TRAF2: variants seen among roughly 807,000 people sequenced by gnomAD.
TRAF2 encodes the protein TNF receptor-associated factor 2.
A neutral mutation model predicts 55.6 loss-of-function variants in TRAF2; 6 were observed. The ratio of observed to expected loss-of-function variants is 0.11; its 90% CI spans 0.06 to 0.21. TRAF2 has a LOEUF of 0.21. Among genes scored for constraint, TRAF2 ranks in the 10% least tolerant of loss-of-function variants. The probability of loss-of-function intolerance (pLI) is 1.00; values close to 1 mark genes in which losing one functional copy is unlikely to be tolerated. For missense variants in TRAF2, 561 were observed against 684.5 expected (o/e 0.82, Z 2.01); for synonymous variants, 329 against 276.3 (o/e 1.19, Z -1.89).
intron 5 of TRAF2, among the ~76,000 whole-genome samples, chr9:136,908,997 C>T (rs1468359196): frequency 6.6e-6 from 1 of 150,670 alleles, no homozygotes; most frequent in Admixed American, 6.6e-5. Flanking sequence ...AAGACTGCAC[C>T]ACTGCACACT....
At chr9:136,925,028 T>G (rs182259899) in intron 10 of TRAF2, among the ~76,000 whole-genome samples, 3 of 152,368 alleles carry the variant, frequency 2.0e-5, no homozygotes, top group South Asian at 4.1e-4. Context: ...TGAGCCACTG[T>G]GCCTGGCCTA....
intron 1 of TRAF2, among the ~76,000 whole-genome samples, chr9:136,896,621 G>T (rs965161739): frequency 6.6e-6 from 1 of 152,116 alleles, no homozygotes; most frequent in Non-Finnish European, 1.5e-5. Flanking sequence ...TATAAGGTTG[G>T]GGGGAACCGA....
intron 6 of TRAF2, 110 bp downstream of exon 6, chr9:136,910,104 C>G: frequency 8.5e-7 from 1 of 1,182,832 alleles, no homozygotes; most frequent in Non-Finnish European, 1.2e-6. Context: ...CCCAAAGGAA[C>G]AGCAGTGCAA....
chr9:136,887,074 C>T (rs924389626), intron 1 of TRAF2, among the ~76,000 whole-genome samples: 1 of 152,180 alleles, frequency 6.6e-6, no homozygotes, highest in African/African-American at 2.4e-5. Context: ...GGGGCGGAGC[C>T]GACTCTGCTG....
intron 3 of TRAF2, among the ~76,000 whole-genome samples, chr9:136,900,040 G>A (rs1849777716): frequency 6.6e-6 from 1 of 152,090 alleles, no homozygotes; most frequent in South Asian, 2.1e-4. Flanking sequence ...GGTGGCGCAC[G>A]CCTATAGTCC....
chr9:136,908,923 A>G (rs918996167), intron 5 of TRAF2, among the ~76,000 whole-genome samples: 2 of 147,688 alleles, frequency 1.4e-5, no homozygotes, highest in African/African-American at 5.0e-5. Flanking sequence ...CTGTAATTCC[A>G]GCTACTCGGG....
In TRAF2 at chr9:136,920,268, A is replaced by AG; in HGVS notation, c.714dup (p.Trp239ValfsTer45). The stretch of plus-strand genomic sequence containing the variant: ...GAGAAACAGCAGGAGCACGAGGTGC[A>AG]GTGGCTGCGGGAGCACCTGGCCATG... On this transcript the variant is annotated frameshift_variant, in exon 8 of 11. Coordinates refer to ENST00000247668, the MANE Select transcript of TRAF2 (RefSeq NM_021138.4). LOFTEE classifies it high-confidence loss of function. The AG allele has an allele frequency of 6.2e-7, 1 of 1,613,232 alleles. No individual in the cohort carries two copies. The highest frequency in any genetic ancestry group is 8.5e-7 in the Non-Finnish European group (1 of 1,179,790).
chr9:136,898,438 CTG>C (rs906974345), intron 1 of TRAF2: 14 of 261,178 alleles, frequency 5.4e-5, no homozygotes, highest in East Asian at 1.8e-4. Context: ...GCCCGTGCGT[CTG>C]TGTCTCTTTG....
At chr9:136,918,277 T>A (rs966595398) in intron 7 of TRAF2, among the ~76,000 whole-genome samples, 10 of 146,088 alleles carry the variant, frequency 6.8e-5, no homozygotes, top group East Asian at 2.0e-4. Flanking sequence ...TTAATTAATT[T>A]ATTTATTTTT....
intron 2 of TRAF2, among the ~76,000 whole-genome samples, chr9:136,899,261 C>T (rs778219703): frequency 5.3e-5 from 8 of 152,176 alleles, no homozygotes; most frequent in South Asian, 2.1e-4. Flanking sequence ...CTAAGACAGC[C>T]GCCTTCCTTG....
chr9:136,914,248 C>CT (rs1350567970), intron 6 of TRAF2, among the ~76,000 whole-genome samples: 4 of 152,296 alleles, frequency 2.6e-5, no homozygotes, highest in Middle Eastern at 3.4e-3. Flanking sequence ...CGTGGGCAGC[C>CT]TGGGGGACTT....
chr9:136,898,029 C>G (rs910536164), intron 1 of TRAF2, among the ~76,000 whole-genome samples: 1 of 144,528 alleles, frequency 6.9e-6, no homozygotes, highest in African/African-American at 2.6e-5. Context: ...CGTTCCCGCT[C>G]TCAGGGCTGG....
intron 6 of TRAF2, among the ~76,000 whole-genome samples, chr9:136,914,730 C>T (rs527253528): frequency 6.6e-4 from 100 of 152,218 alleles, no homozygotes; most frequent in Non-Finnish European, 5.9e-4. Flanking sequence ...TATGTGATGA[C>T]GAAGTTCTCT....
At chr9:136,890,145 G>T (rs1426248567) in intron 1 of TRAF2, among the ~76,000 whole-genome samples, 1 of 145,928 alleles carries the variant, frequency 6.9e-6, no homozygotes, top group African/African-American at 2.6e-5. Context: ...CGTTCAGCCG[G>T]TCACCGTGTG....
intron 6 of TRAF2, among the ~76,000 whole-genome samples, chr9:136,915,589 T>G (rs535852338): frequency 6.6e-5 from 10 of 151,598 alleles, no homozygotes; most frequent in Non-Finnish European, 1.2e-4. Flanking sequence ...GTGCTTAGGC[T>G]CTGTGCAAAC....
chr9:136,900,099 G>A (rs887071096), intron 3 of TRAF2, among the ~76,000 whole-genome samples: 4 of 151,702 alleles, frequency 2.6e-5, no homozygotes, highest in East Asian at 1.9e-4. Context: ...GCTGGGAGGC[G>A]GAGGTTGCAG....
chr9:136,924,944 G>A (rs374079888), intron 10 of TRAF2, among the ~76,000 whole-genome samples: 49 of 152,236 alleles, frequency 3.2e-4, no homozygotes, highest in East Asian at 9.7e-4. Flanking sequence ...TCTCCATGTT[G>A]GCCAGGCTGG....
rs151161910 is a variant in TRAF2 at position 136,925,878 on chromosome 9, A to G, written c.1483A>G (p.Ile495Val). ...VRDDAIFIKAIVDLTGL is the reference protein window; with the variant it reads ...VRDDAIFIKAVVDLTGL ...GGACGATGCCATCTTCATCAAGGCCATTGTGGACCTGACAGGGCTCTAACT... is the reference window on the plus strand; with the variant it reads ...GGACGATGCCATCTTCATCAAGGCCGTTGTGGACCTGACAGGGCTCTAACT... Residue 495 changes from isoleucine (I) to valine (V), a missense_variant, in exon 11 of 11, where the codon ATT becomes GTT. Ile to Val is a conservative substitution (Grantham distance 29). Transcript: ENST00000247668. 3.7e-6 allele frequency: 6 copies of G among 1,614,096 alleles called. No individual in the cohort carries two copies. The highest frequency in any genetic ancestry group is 4.2e-6 in the Non-Finnish European group (5 of 1,180,042).
upstream of TRAF2, chr9:136,882,139 C>A: frequency 1.3e-6 from 1 of 757,958 alleles, no homozygotes; most frequent in Non-Finnish European, 1.6e-6. Context: ...CATGTGCAAG[C>A]TGGGCTCTGT....
Sources: allele counts gnomAD v4.1 joint callset (sites outside exome capture counted in the v4.1 genomes callset), GRCh38; gene constraint gnomAD v4.1.1; transcripts MANE v1.5; gene names NCBI Gene and HGNC (gene_info 2026-07-23, HGNC 2026-07-21).